DHX16: variants seen among roughly 807,000 people sequenced by gnomAD.
DHX16 encodes DEAH-box helicase 16, also known as pre-mRNA-splicing factor ATP-dependent RNA helicase DHX16.
DHX16 carries 81 observed loss-of-function variants against 131.2 expected under a neutral mutation model. That is an observed-to-expected ratio of 0.62 (90% CI 0.52 to 0.74). The LOEUF (loss-of-function observed/expected upper bound fraction) is 0.74, where lower values mean the gene tolerates loss of function less well. Among genes scored for constraint, DHX16 ranks in the 30% least tolerant of loss-of-function variants. The probability of loss-of-function intolerance (pLI) is 0.00; values close to 1 mark genes in which losing one functional copy is unlikely to be tolerated. For synonymous variants in DHX16, 440 were observed against 520.2 expected, an observed-to-expected ratio of 0.85 and a Z score of 2.10; for missense variants, 980 against 1,363.1, an observed-to-expected ratio of 0.72 and a Z score of 4.43.
chr6:30,664,104 CTT>C (rs1768779514), intron 7 of DHX16, among the ~76,000 whole-genome samples: 1 of 152,030 alleles, frequency 6.6e-6, no homozygotes, highest in East Asian at 1.9e-4. Flanking sequence ...GGGATGATCT[CTT>C]GAGCCCAGGA....
At chr6:30,668,407 T>C (rs1313822831) in intron 4 of DHX16, among the ~76,000 whole-genome samples, 2 of 152,162 alleles carry the variant, frequency 1.3e-5, no homozygotes, top group Non-Finnish European at 2.9e-5. Flanking sequence ...TCTTAACATT[T>C]TGGGAGACCG....
rs1251582837 is a variant in DHX16 at position 30,659,452 on chromosome 6, T to G, written c.2007+20A>C. ...TTGTGGGAAGCATAGGGGTGAAGAG[T>G]GTGGGTTTCTCCAACTGACCTTTCG... On this transcript the variant is annotated intron_variant, in intron 12 of 19. Coordinates refer to ENST00000376442, the MANE Select transcript of DHX16 (RefSeq NM_003587.5). The G allele has an allele frequency of 6.4e-7, 1 of 1,571,512 alleles. No individual in the cohort carries two copies. Among genetic ancestry groups the G allele is most frequent in the South Asian group, 1.2e-5 (1 of 86,018 alleles).
chr6:30,661,073 ATTT>A (rs1279260027), intron 9 of DHX16, among the ~76,000 whole-genome samples: 1 of 149,716 alleles, frequency 6.7e-6, no homozygotes, highest in Non-Finnish European at 1.5e-5. Context: ...AATTTTTTGT[ATTT>A]TTAGTAGAGA....
At position 30,671,110 on chromosome 6, in the gene DHX16, C is replaced by CT; in HGVS notation, c.371dup (p.Arg125AlafsTer9). 1 of 1,613,102 alleles carries CT rather than the reference C, an allele frequency of 6.2e-7. No individual in the cohort carries two copies. Among genetic ancestry groups the CT allele is most frequent in the Non-Finnish European group, 8.5e-7 (1 of 1,180,044 alleles). On this transcript the variant is annotated frameshift_variant, in exon 2 of 20. Coordinates refer to ENST00000376442, the MANE Select transcript of DHX16 (RefSeq NM_003587.5). LOFTEE classifies it high-confidence loss of function. ...CACGCTTCTTCCTGAGGTGTTTCCG[C>CT]TTTTTACGTTTCTTCTGGAGGCTGC...
rs1486215772 is a variant in DHX16, at chr6:30,670,483, G to T, written c.610-17C>A. The stretch of plus-strand genomic sequence containing the variant: ...TTCATAAGCCTAGAAGAAAAAACAA[G>T]AATGGAGGGGTGTGAGGCCAAAGAG... On this transcript the variant is annotated splice_polypyrimidine_tract_variant and intron_variant, in intron 3 of 19. Transcript: ENST00000376442. This position sits in a 1 kb window ranked among gnomAD's most constrained non-coding sequence, Gnocchi z 4.4. 3 of 1,609,292 alleles carry T rather than the reference G, an allele frequency of 1.9e-6. No homozygotes were observed. The Admixed American group carries it at 5.0e-5, about 27-fold the overall frequency.
chr6:30,656,452 A>G lies in DHX16; in HGVS notation c.2369T>C (p.Leu790Pro), dbSNP rs1028204839. ...AGCATACAGCTGCTCCAAAGCCAGCAGCAGTGTCTCATATGGTGGAGGGTC... is the reference window on the plus strand; with the variant it reads ...AGCATACAGCTGCTCCAAAGCCAGCGGCAGTGTCTCATATGGTGGAGGGTC... ...FLDPPPYETL[L>P]LALEQLYALG... The change falls in exon 15 of 20, where the codon CTG becomes CCG. Residue 790 changes from leucine (L) to proline (P), a missense_variant. This residue lies in a region of DHX16 where 309 missense variants were observed against 537.1 expected (regional missense o/e 0.58). Transcript: ENST00000376442. The surrounding 1 kb of genome is among the most constrained non-coding windows in gnomAD (Gnocchi z 5.1). 1.9e-6 allele frequency: 3 copies of G among 1,614,076 alleles called. No individual in the cohort carries two copies. The highest frequency in any genetic ancestry group is 2.5e-6 in the Non-Finnish European group (3 of 1,180,038).
intron 4 of DHX16, among the ~76,000 whole-genome samples, chr6:30,666,538 T>C (rs1162032437): frequency 6.6e-6 from 1 of 152,122 alleles, no homozygotes; most frequent in Non-Finnish European, 1.5e-5. Flanking sequence ...GTGGGCGTGG[T>C]GACTCACACC....
Position 30,664,807 on chromosome 6 carries a change from A to T in DHX16, c.1311T>A (p.Phe437Leu), listed in dbSNP as rs140811480. ...GKTTQIPQYL[F>L]EEGYTNKGMK... ...AAGGGTGAGATGACTGTACCTCCTCAAAGAGATACTGCGGGATCTGGGTGG... is the reference window on the plus strand; with the variant it reads ...AAGGGTGAGATGACTGTACCTCCTCTAAGAGATACTGCGGGATCTGGGTGG... Residue 437 changes from phenylalanine to leucine, a missense_variant, in exon 7 of 20, where the codon TTT (phenylalanine) becomes TTA (leucine). This residue lies in a region of DHX16 where 309 missense variants were observed against 537.1 expected (regional missense o/e 0.58). Coordinates refer to ENST00000376442, the MANE Select transcript of DHX16 (RefSeq NM_003587.5). 141 of 1,612,306 alleles carry T rather than the reference A, an allele frequency of 8.7e-5. No homozygotes were observed. In the African/African-American group the frequency reaches 1.4e-3, roughly 16 times the overall value.
At position 30,665,186 on chromosome 6, in the gene DHX16, G is replaced by A. The variant is rs1768915217; in HGVS notation, c.1010C>T (p.Ala337Val). 6.2e-7 allele frequency: 1 copy of A among 1,611,152 alleles called. No homozygotes were observed. Among genetic ancestry groups the A allele is most frequent in the Non-Finnish European group, 8.5e-7 (1 of 1,179,798 alleles). ...RRWEEARLGA[A>V]SLKFGARDAA... ...ATCTCGGGCCCCAAACTTCAGGGACGCTGCCCCAAGCCGCGCCTCCTCCCA... is the reference window on the plus strand; with the variant it reads ...ATCTCGGGCCCCAAACTTCAGGGACACTGCCCCAAGCCGCGCCTCCTCCCA... Residue 337 changes from alanine (A) to valine (V), a missense_variant, in exon 6 of 20, where the codon GCG becomes GTG. Ala to Val is a moderately conservative substitution (Grantham distance 64). Transcript: ENST00000376442. This position sits in a 1 kb window ranked among gnomAD's most constrained non-coding sequence, Gnocchi z 4.8.
intron 1 of DHX16, among the ~76,000 whole-genome samples, chr6:30,671,490 G>A (rs1362164989): frequency 6.6e-6 from 1 of 152,026 alleles, no homozygotes; most frequent in East Asian, 1.9e-4. Context: ...TGAGATTACA[G>A]GCACATGCCA....
intron 9 of DHX16, chr6:30,661,904 C>T (rs1431160201): frequency 1.4e-6 from 1 of 717,534 alleles, no homozygotes; most frequent in Non-Finnish European, 2.6e-6. Context: ...AAAATCCTAT[C>T]TGTCCAATTG....
In DHX16 at chr6:30,670,678, C is replaced by G. The variant is rs1769449461; in HGVS notation, c.609+112G>C. 6.9e-7 allele frequency: 1 copy of G among 1,454,676 alleles called. No individual in the cohort carries two copies. The highest frequency in any genetic ancestry group is 9.4e-7 in the Non-Finnish European group (1 of 1,060,474). 90.1% of individuals were successfully genotyped at this position (1,454,676 alleles called of 1,614,324 possible). On this transcript the variant is annotated intron_variant, in intron 3 of 19. Transcript: ENST00000376442. The surrounding 1 kb of genome is among the most constrained non-coding windows in gnomAD (Gnocchi z 4.4). ...TCTCTCACCACAGAGGTGAACATCT[C>G]ACTAGAGACAGCCCCTTGTCTTCCC...
chr6:30,670,989 G>A lies in DHX16; in HGVS notation c.447-37C>T. On this transcript the variant is annotated intron_variant, in intron 2 of 19. Transcript: ENST00000376442. This position sits in a 1 kb window ranked among gnomAD's most constrained non-coding sequence, Gnocchi z 4.4. ...CCAGGGGATTAAATAAGGGCATAGA[G>A]AACACTTCAGCCTGCCCCATCCTCT... is the stretch of plus-strand genomic sequence containing the variant. 11 of 1,613,030 alleles carry A rather than the reference G, an allele frequency of 6.8e-6. No individual in the cohort carries two copies. Among genetic ancestry groups the A allele is most frequent in the Non-Finnish European group, 9.3e-6 (11 of 1,179,972 alleles).
In DHX16 at chr6:30,664,901, T is replaced by C. The variant is rs1194509771; in HGVS notation, c.1217A>G (p.Glu406Gly). ...RRSLPVFPFR[E>G]ELLAAIANHQ... Reference sequence around the variant, plus strand: ...ATTTGCAATAGCAGCCAGGAGCTCCTCTCGAAATGGGAACACCGGGAGGCT... The same window carrying C: ...ATTTGCAATAGCAGCCAGGAGCTCCCCTCGAAATGGGAACACCGGGAGGCT... Residue 406 changes from glutamate to glycine, a missense_variant, in exon 7 of 20, where the codon GAG becomes GGG. Transcript: ENST00000376442. The C allele has an allele frequency of 3.7e-6, 6 of 1,613,346 alleles. No homozygotes were observed. The Admixed American group carries it at 1.0e-4, about 27-fold the overall frequency.
chr6:30,658,881 A>G (rs775720823), intron 12 of DHX16, among the ~76,000 whole-genome samples: 4 of 151,584 alleles, frequency 2.6e-5, no homozygotes, highest in Non-Finnish European at 5.9e-5. Context: ...TCCTCTGATG[A>G]CTTCTCAGCC....
chr6:30,671,217 C>A lies in DHX16; in HGVS notation c.265G>T (p.Ala89Ser). The change falls in exon 2 of 20, where the codon GCC becomes TCC. Residue 89 changes from alanine to serine, a missense_variant. This residue lies in a region of DHX16 where 457 missense variants were observed against 554.8 expected (regional missense o/e 0.82). Coordinates refer to ENST00000376442, the MANE Select transcript of DHX16 (RefSeq NM_003587.5). The part of the protein sequence containing the change: ...PARAAEREAR[A>S]LLEKNRSYRL... Reference sequence around the variant, plus strand: ...TAAGATCGGTTCTTCTCCAGCAGGGCCCGGGCCTCTCGCTCTGCTGCCCGA... The same window carrying A: ...TAAGATCGGTTCTTCTCCAGCAGGGACCGGGCCTCTCGCTCTGCTGCCCGA... 6.2e-7 allele frequency: 1 copy of A among 1,613,044 alleles called. No individual in the cohort carries two copies. The highest frequency in any genetic ancestry group is 8.5e-7 in the Non-Finnish European group (1 of 1,180,028).
chr6:30,654,912 A>G, intron 18 of DHX16, 33 bp from the exon 19 acceptor site: 1 of 1,594,086 alleles, frequency 6.3e-7, no homozygotes, highest in Non-Finnish European at 8.6e-7. Context: ...AATCAATGGA[A>G]AAGGCAGACA....
Position 30,670,877 on chromosome 6 carries a change from G to A in DHX16, c.522C>T (p.Asp174=), listed in dbSNP as rs1769471445. 1 of 1,612,862 alleles carries A rather than the reference G, an allele frequency of 6.2e-7. No homozygotes were observed. Among genetic ancestry groups the A allele is most frequent in the Non-Finnish European group, 8.5e-7 (1 of 1,180,030 alleles). ...WERTERERLQ[D]LEERDAFAER... is the part of the protein sequence containing the mutation. ...CAGCAAAGGCATCACGCTCCTCCAG[G>A]TCCTGAAGGCGTTCACGCTCTGTCC... The change falls in exon 3 of 20, where the codon GAC becomes GAT. Residue 174 remains aspartate (D), a synonymous_variant. Coordinates refer to ENST00000376442, the MANE Select transcript of DHX16 (RefSeq NM_003587.5). The surrounding 1 kb of genome is among the most constrained non-coding windows in gnomAD (Gnocchi z 4.4).
chr6:30,655,653 G>A (rs547096325), intron 16 of DHX16, 56 bp from the exon 17 acceptor site: 8 of 1,585,704 alleles, frequency 5.0e-6, no homozygotes, highest in Non-Finnish European at 6.9e-6. Context: ...GAACAGATAT[G>A]GTGGAGTGGG....
Sources: allele counts gnomAD v4.1 joint callset (sites outside exome capture counted in the v4.1 genomes callset), GRCh38; gene constraint gnomAD v4.1.1; regional missense constraint gnomAD v4.1.1; non-coding constraint Gnocchi (gnomAD v3.1); transcripts MANE v1.5; gene names NCBI Gene and HGNC (gene_info 2026-07-23, HGNC 2026-07-21).